Variants in COG5 observed in about 807,000 individuals in gnomAD.
The protein encoded by COG5 is conserved oligomeric Golgi complex subunit 5.
Under a neutral mutation model 110.4 loss-of-function variants are expected in COG5, and 86 were observed. The observed-to-expected ratio is 0.78, with a 90% CI of 0.65 to 0.93. The LOEUF is 0.93. Ranked by LOEUF, COG5 falls within the 40% of genes least tolerant of loss-of-function variation. The pLI, the probability that COG5 is intolerant of heterozygous loss-of-function variation, is 0.00. For synonymous variants in COG5, 360 were observed against 334.6 expected, an observed-to-expected ratio of 1.08 and a Z score of -0.83; for missense variants, 1,077 against 987.0, an observed-to-expected ratio of 1.09 and a Z score of -1.22.
At chr7:107,424,116 A>G (rs1793476687) in intron 6 of COG5, among the ~76,000 whole-genome samples, 1 of 151,816 alleles carries the variant, frequency 6.6e-6, no homozygotes, top group Non-Finnish European at 1.5e-5. Context: ...CTACTTGAAT[A>G]CAAAAAATTA....
chr7:107,500,225 T>C (rs1283865590), intron 6 of COG5, among the ~76,000 whole-genome samples: 1 of 152,192 alleles, frequency 6.6e-6, no homozygotes, highest in African/African-American at 2.4e-5. Context: ...AATTGTTCTT[T>C]CCTGGAACAT....
Position 107,283,711 on chromosome 7 carries a change from G to C in COG5, c.1335C>G (p.Asp445Glu), listed in dbSNP as rs750737006. The C allele has an allele frequency of 6.2e-6, 10 of 1,613,978 alleles. No individual in the cohort carries two copies. The South Asian group carries it at 1.1e-4, about 18-fold the overall frequency. Residue 445 changes from aspartate to glutamate, a missense_variant, in exon 13 of 22, where the codon GAC (aspartate) becomes GAG (glutamate). Physicochemically the swap from Asp to Glu is conservative, Grantham distance 45. Transcript: ENST00000297135. ...AAGCAGCCTCATAGGGTTGTAGTGA[G>C]TCTTTCAAAGCCTTTTCTGGACTGT... is the stretch of plus-strand genomic sequence containing the variant. The part of the protein sequence containing the change: ...PDYDPEKALK[D>E]SLQPYEAAYL...
chr7:107,370,511 C>T (rs938008415), intron 8 of COG5, among the ~76,000 whole-genome samples: 11 of 151,940 alleles, frequency 7.2e-5, no homozygotes, highest in Admixed American at 3.3e-4. Flanking sequence ...ATTGGCTGGG[C>T]GCGGTGGCTC....
intron 8 of COG5, among the ~76,000 whole-genome samples, chr7:107,364,698 G>T (rs1813439537): frequency 6.6e-6 from 1 of 152,114 alleles, no homozygotes; most frequent in South Asian, 2.1e-4. Context: ...GAAAACCAGA[G>T]GGACTGTGTG....
intron 14 of COG5, among the ~76,000 whole-genome samples, chr7:107,268,348 T>C (rs1172812128): frequency 1.3e-5 from 2 of 152,230 alleles, no homozygotes; most frequent in Admixed American, 1.3e-4. Flanking sequence ...ATTACTGAAC[T>C]CCAAGTTAAT....
chr7:107,216,230 T>C (rs1459917038), intron 19 of COG5, among the ~76,000 whole-genome samples: 1 of 152,158 alleles, frequency 6.6e-6, no homozygotes, highest in Non-Finnish European at 1.5e-5. Flanking sequence ...GTACCCAACA[T>C]CAGAGCACCT....
chr7:107,349,598 C>T (rs1002504154), intron 10 of COG5, among the ~76,000 whole-genome samples: 5 of 152,008 alleles, frequency 3.3e-5, no homozygotes, highest in African/African-American at 1.2e-4. Context: ...CGCTCTGTCG[C>T]CCAGGCTGGA....
intron 6 of COG5, among the ~76,000 whole-genome samples, chr7:107,415,389 G>A (rs1226307933): frequency 1.3e-5 from 2 of 152,270 alleles, no homozygotes; most frequent in East Asian, 1.9e-4. Context: ...ATGAGGCCAG[G>A]AAGAAGGCAG....
intron 6 of COG5, among the ~76,000 whole-genome samples, chr7:107,466,013 A>T (rs1469889023): frequency 6.6e-6 from 1 of 152,220 alleles, no homozygotes; most frequent in Admixed American, 6.5e-5. Flanking sequence ...AATTAATTTG[A>T]TTCTGCATAA....
chr7:107,260,413 CAGTGGGGT>C (rs1310238666), intron 14 of COG5, among the ~76,000 whole-genome samples: 2 of 152,142 alleles, frequency 1.3e-5, no homozygotes, highest in Middle Eastern at 3.4e-3. Flanking sequence ...TGCAGTGGGG[CAGTGGGGT>C]ATATGAGGAG....
chr7:107,506,237 T>C (rs996598474), intron 6 of COG5, among the ~76,000 whole-genome samples: 5 of 152,288 alleles, frequency 3.3e-5, no homozygotes, highest in South Asian at 4.1e-4. Context: ...AAATGATGTG[T>C]GCAAAAGAGC....
In COG5 at chr7:107,522,472, AAAC is replaced by A. The variant is rs775753075; in HGVS notation, c.538+4762_538+4764del. Among the ~76,000 whole-genome samples, 477 of 152,312 alleles carry A rather than the reference AAAC, an allele frequency of 3.1e-3. 5 individuals are homozygous for A. The highest frequency in any genetic ancestry group is 0.011 in the African/African-American group (438 of 41,574). The stretch of plus-strand genomic sequence containing the variant: ...AACGAGAGTGAAACTCCGTCTCAAA[AAAC>A]AACAACAACAACAAAACCTAGATGA... On this transcript the variant is annotated intron_variant, in intron 6 of 21. Coordinates refer to ENST00000297135, the MANE Select transcript of COG5 (RefSeq NM_006348.5).
intron 11 of COG5, among the ~76,000 whole-genome samples, chr7:107,312,319 C>A (rs1209695925): frequency 6.6e-6 from 1 of 152,202 alleles, no homozygotes; most frequent in Non-Finnish European, 1.5e-5. Flanking sequence ...ATTGTGTTCT[C>A]TGACAGGACT....
At chr7:107,451,219 C>G (rs1234121121) in intron 6 of COG5, among the ~76,000 whole-genome samples, 1 of 151,992 alleles carries the variant, frequency 6.6e-6, no homozygotes, top group Non-Finnish European at 1.5e-5. Flanking sequence ...CAGAGCCAAT[C>G]AAAGAAACCA....
chr7:107,535,100 A>C (rs1218850624), intron 5 of COG5, among the ~76,000 whole-genome samples: 1 of 151,618 alleles, frequency 6.6e-6, no homozygotes, highest in Non-Finnish European at 1.5e-5. Context: ...AGGCAGAAAT[A>C]AATCAGTTCT....
At chr7:107,238,258 G>T (rs537109778) in intron 17 of COG5, among the ~76,000 whole-genome samples, 1 of 152,140 alleles carries the variant, frequency 6.6e-6, no homozygotes, top group East Asian at 1.9e-4. Flanking sequence ...GTCTTTTGGT[G>T]TCTGGCTTAC....
intron 21 of COG5, among the ~76,000 whole-genome samples, chr7:107,206,346 G>A (rs1798785575): frequency 6.6e-6 from 1 of 152,186 alleles, no homozygotes; most frequent in African/African-American, 2.4e-5. Context: ...CTCTCAACTG[G>A]CATGCAAGAT....
chr7:107,297,589 C>T (rs1025778218), intron 12 of COG5, among the ~76,000 whole-genome samples: 15 of 151,894 alleles, frequency 9.9e-5, no homozygotes, highest in African/African-American at 3.4e-4. Flanking sequence ...GATGGGATTA[C>T]AGGCGAGCGC....
intron 6 of COG5, among the ~76,000 whole-genome samples, chr7:107,509,279 C>A (rs2129142623): frequency 6.6e-6 from 1 of 152,160 alleles, no homozygotes; most frequent in Admixed American, 6.5e-5. Flanking sequence ...ATGCGATCAA[C>A]TGGAAGAAAG....
Sources: allele counts gnomAD v4.1 joint callset (sites outside exome capture counted in the v4.1 genomes callset), GRCh38; gene constraint gnomAD v4.1.1; transcripts MANE v1.5; gene names NCBI Gene and HGNC (gene_info 2026-07-23, HGNC 2026-07-21).